ZFPM2: variants seen among roughly 807,000 people sequenced by gnomAD.
ZFPM2 encodes zinc finger protein ZFPM2.
A neutral mutation model predicts 98.6 loss-of-function variants in ZFPM2; 20 were observed. The ratio of observed to expected loss-of-function variants is 0.20; its 90% CI spans 0.14 to 0.29. The LOEUF (loss-of-function observed/expected upper bound fraction) is 0.29, where lower values mean the gene tolerates loss of function less well. ZFPM2 is among the 10% of genes least tolerant of loss of function. ZFPM2 has a pLI of 1.00. For synonymous variants in ZFPM2, 518 were observed against 502.7 expected (o/e 1.03, Z -0.41); for missense variants, 1,310 against 1,388.6 (o/e 0.94, Z 0.90).
intron 3 of ZFPM2, among the ~76,000 whole-genome samples, chr8:105,460,611 AT>A (rs773291135): frequency 5.8e-4 from 89 of 152,256 alleles, no homozygotes; most frequent in Non-Finnish European, 1.0e-3. Flanking sequence ...CTTTTAAGAA[AT>A]TTGGGTAAAA....
chr8:105,763,857 A>T (rs575594437), intron 5 of ZFPM2, among the ~76,000 whole-genome samples: 8 of 151,810 alleles, frequency 5.3e-5, no homozygotes, highest in Non-Finnish European at 1.2e-4. Flanking sequence ...GCTGTTTTTC[A>T]TATCTAAAAA....
rs576678320 is a variant in ZFPM2, at chr8:105,789,176, C to T, written c.739+252C>T. 237 of 299,448 alleles carry T rather than the reference C, an allele frequency of 7.9e-4. 2 individuals carry two copies. Among genetic ancestry groups the T allele is most frequent in the African/African-American group, 4.5e-3 (211 of 46,496 alleles). 18.5% of individuals were successfully genotyped at this position (299,448 alleles called of 1,614,324 possible). On this transcript the variant is annotated intron_variant, in intron 6 of 7. Transcript: ENST00000407775. ...TGTATACATGTGACATGCTGGTGCGCGGCACCCACTAACTCGTCATCTAGC... is the reference window on the plus strand; with the variant it reads ...TGTATACATGTGACATGCTGGTGCGTGGCACCCACTAACTCGTCATCTAGC...
chr8:105,501,261 C>T (rs1181562267), intron 3 of ZFPM2, among the ~76,000 whole-genome samples: 1 of 150,700 alleles, frequency 6.6e-6, no homozygotes, highest in East Asian at 2.0e-4. Flanking sequence ...CAGCTGGCTG[C>T]AAACTCTGCC....
At chr8:105,374,728 T>A (rs1810689870) in intron 1 of ZFPM2, among the ~76,000 whole-genome samples, 1 of 152,078 alleles carries the variant, frequency 6.6e-6, no homozygotes, top group South Asian at 2.1e-4. Context: ...AAACTCTGGT[T>A]AAGTGGACAA....
chr8:105,624,095 A>T (rs1213576739), intron 4 of ZFPM2, among the ~76,000 whole-genome samples: 1 of 152,334 alleles, frequency 6.6e-6, no homozygotes, highest in Admixed American at 6.5e-5. Context: ...ATCTTAACAG[A>T]GAAGGAAGCT....
At chr8:105,773,874 A>T (rs1399758237) in intron 5 of ZFPM2, among the ~76,000 whole-genome samples, 1 of 152,094 alleles carries the variant, frequency 6.6e-6, no homozygotes, top group African/African-American at 2.4e-5. Flanking sequence ...ACACAATGAA[A>T]CACACTCACT....
intron 5 of ZFPM2, among the ~76,000 whole-genome samples, chr8:105,710,875 G>T (rs1209355697): frequency 6.6e-6 from 1 of 151,974 alleles, no homozygotes; most frequent in African/African-American, 2.4e-5. Flanking sequence ...TATTCGTAAG[G>T]TCATTATGAA....
chr8:105,539,020 C>CAAACA (rs371558334), intron 3 of ZFPM2, among the ~76,000 whole-genome samples: 49 of 152,002 alleles, frequency 3.2e-4, no homozygotes, highest in East Asian at 7.7e-4. Flanking sequence ...CCCAGTCTCA[C>CAAACA]AAACAAAACA....
At chr8:105,344,633 G>A (rs1812483283) in intron 1 of ZFPM2, among the ~76,000 whole-genome samples, 1 of 151,640 alleles carries the variant, frequency 6.6e-6, no homozygotes. Context: ...ACAATACCTG[G>A]GTCTATTTCT....
intron 1 of ZFPM2, among the ~76,000 whole-genome samples, chr8:105,388,465 T>C (rs1181582127): frequency 6.6e-6 from 1 of 152,136 alleles, no homozygotes; most frequent in Non-Finnish European, 1.5e-5. Context: ...GTTGTTAGCA[T>C]GTGGGTGGGA....
chr8:105,615,856 A>T (rs1816403704), intron 4 of ZFPM2, among the ~76,000 whole-genome samples: 1 of 152,150 alleles, frequency 6.6e-6, no homozygotes, highest in Admixed American at 6.6e-5. Flanking sequence ...GTGAATTTCC[A>T]GATCATTTTA....
chr8:105,803,725 CA>C lies in ZFPM2; in HGVS notation c.*194del. 1 of 582,144 alleles carries C rather than the reference CA, an allele frequency of 1.7e-6. No homozygotes were observed. Among genetic ancestry groups the C allele is most frequent in the Non-Finnish European group, 3.0e-6 (1 of 338,420 alleles). 36.1% of individuals were successfully genotyped at this position (582,144 alleles called of 1,614,324 possible). A position where few individuals can be genotyped will look rare whatever the true frequency, so the allele number is the denominator to read the frequency against. ...TAAAGTGTATTATTGGTGCCATTTT[CA>C]AAAAAATTAATTTATTTTACCAGCA... On this transcript the variant is annotated 3_prime_UTR_variant, in exon 8 of 8. Transcript: ENST00000407775.
At chr8:105,769,788 A>AG (rs1170188288) in intron 5 of ZFPM2, among the ~76,000 whole-genome samples, 1 of 151,770 alleles carries the variant, frequency 6.6e-6, no homozygotes, top group African/African-American at 2.4e-5. Context: ...TGACTTTTTC[A>AG]GTTTCTTCTT....
At chr8:105,644,221 C>T (rs1371236086) in intron 5 of ZFPM2, among the ~76,000 whole-genome samples, 1 of 151,766 alleles carries the variant, frequency 6.6e-6, no homozygotes. Flanking sequence ...CAAACAGTGA[C>T]ACTACCTCAG....
intron 5 of ZFPM2, among the ~76,000 whole-genome samples, chr8:105,739,803 T>C (rs185358242): frequency 6.6e-6 from 1 of 152,112 alleles, no homozygotes; most frequent in Admixed American, 6.6e-5. Context: ...ATTTCAAAAA[T>C]GGTAGGGTAG....
At chr8:105,517,689 A>G (rs1258095684) in intron 3 of ZFPM2, among the ~76,000 whole-genome samples, 1 of 100,070 alleles carries the variant, frequency 1.0e-5, no homozygotes, top group East Asian at 2.8e-4. Flanking sequence ...ATCCACACAC[A>G]CACCACACAC....
intron 4 of ZFPM2, among the ~76,000 whole-genome samples, chr8:105,629,819 C>G (rs185395845): frequency 6.6e-6 from 1 of 152,120 alleles, no homozygotes. Flanking sequence ...TTAAAGGTAG[C>G]AAAAGCAGAT....
intron 2 of ZFPM2, among the ~76,000 whole-genome samples, chr8:105,433,145 G>A (rs1370021924): frequency 1.3e-5 from 2 of 152,104 alleles, no homozygotes; most frequent in African/African-American, 2.4e-5. Context: ...ACTTGCTTAT[G>A]TATCTCACCC....
At chr8:105,482,990 C>CA (rs1357317737) in intron 3 of ZFPM2, among the ~76,000 whole-genome samples, 1 of 122,260 alleles carries the variant, frequency 8.2e-6, no homozygotes, top group Non-Finnish European at 1.7e-5. Context: ...TCCCTCCCCC[C>CA]ATCCTTTCCT....
Sources: allele counts gnomAD v4.1 joint callset (sites outside exome capture counted in the v4.1 genomes callset), GRCh38; gene constraint gnomAD v4.1.1; transcripts MANE v1.5; gene names NCBI Gene and HGNC (gene_info 2026-07-23, HGNC 2026-07-21).